SLC39A11: variants seen among roughly 807,000 people sequenced by gnomAD.
The protein encoded by SLC39A11 is zinc transporter ZIP11.
Under a neutral mutation model 36.1 loss-of-function variants are expected in SLC39A11, and 33 were observed. The observed-to-expected ratio is 0.91, with a 90% CI of 0.69 to 1.22. The LOEUF is 1.22. Ranked by LOEUF, SLC39A11 falls within the 50% of genes most tolerant of loss-of-function variation. SLC39A11 has a pLI of 0.00. For missense variants in SLC39A11, 432 were observed against 430.3 expected (o/e 1.00, Z -0.03); for synonymous variants, 166 against 170.3 (o/e 0.97, Z 0.20).
chr17:72,856,018 A>G (rs1173422321), intron 5 of SLC39A11, among the ~76,000 whole-genome samples: 1 of 152,102 alleles, frequency 6.6e-6, no homozygotes, highest in Non-Finnish European at 1.5e-5. Context: ...TATGATGGGA[A>G]CTTTTGGCTA....
rs141282563 is a variant in SLC39A11 at position 72,794,561 on chromosome 17, G to T, written c.601+55073C>A. ...TGCCTATATCCCCAGCTGTGTCCAA[G>T]CCACTCCCTGCTCCCTCCTTCTCTA... On this transcript the variant is annotated intron_variant, in intron 6 of 9. Transcript: ENST00000255559. Among the ~76,000 whole-genome samples, 12 of 151,946 alleles carry T rather than the reference G, an allele frequency of 7.9e-5. No homozygotes were observed. In the East Asian group the frequency reaches 2.3e-3, roughly 29 times the overall value.
intron 6 of SLC39A11, among the ~76,000 whole-genome samples, chr17:72,762,210 G>A (rs903160969): frequency 6.6e-6 from 1 of 152,178 alleles, no homozygotes; most frequent in Non-Finnish European, 1.5e-5. Context: ...TAGGAGGTTG[G>A]CACAAGTTAC....
intron 4 of SLC39A11, among the ~76,000 whole-genome samples, chr17:72,953,056 C>A (rs1568012094): frequency 6.6e-6 from 1 of 152,182 alleles, no homozygotes; most frequent in African/African-American, 2.4e-5. Context: ...CTTTCCCTGT[C>A]CTTCTTCCCG....
intron 7 of SLC39A11, among the ~76,000 whole-genome samples, chr17:72,673,035 T>C (rs2071088597): frequency 6.6e-6 from 1 of 152,214 alleles, no homozygotes; most frequent in South Asian, 2.1e-4. Flanking sequence ...AAGCTGAAGA[T>C]ACCCGGCCCT....
chr17:72,936,411 T>TAAAAAAAAA (rs746428868), intron 5 of SLC39A11, among the ~76,000 whole-genome samples: 10 of 73,460 alleles, frequency 1.4e-4, no homozygotes, highest in East Asian at 4.7e-4. Flanking sequence ...TGAAAAAAAG[T>TAAAAAAAAA]AAAAAAAAAA....
intron 3 of SLC39A11, among the ~76,000 whole-genome samples, chr17:73,056,075 G>A (rs12949648): frequency 0.83 from 126,581 of 152,104 alleles, 52,977 homozygotes; most frequent in East Asian, 0.94. Flanking sequence ...CCCCTGGAGG[G>A]CACAGGAGAG....
chr17:72,679,261 T>C (rs570412630), intron 7 of SLC39A11, among the ~76,000 whole-genome samples: 3 of 152,284 alleles, frequency 2.0e-5, no homozygotes, highest in African/African-American at 7.2e-5. Context: ...TCAAAATAGG[T>C]AGAAGAGAAG....
intron 5 of SLC39A11, among the ~76,000 whole-genome samples, chr17:72,934,721 A>G (rs2084638447): frequency 6.6e-6 from 1 of 152,250 alleles, no homozygotes; most frequent in African/African-American, 2.4e-5. Flanking sequence ...TTAAAAAACA[A>G]GCAAAAGATT....
At chr17:72,960,524 G>A (rs982890577) in intron 4 of SLC39A11, among the ~76,000 whole-genome samples, 1 of 152,158 alleles carries the variant, frequency 6.6e-6, no homozygotes, top group Non-Finnish European at 1.5e-5. Flanking sequence ...GGATGTGGTG[G>A]TTCACGCCTG....
At chr17:72,972,484 G>A (rs2087530558) in intron 4 of SLC39A11, among the ~76,000 whole-genome samples, 1 of 152,208 alleles carries the variant, frequency 6.6e-6, no homozygotes, top group South Asian at 2.1e-4. Context: ...GAGGCTGTCT[G>A]CTTATGAGGC....
At chr17:72,716,239 C>G (rs1487750711) in intron 7 of SLC39A11, among the ~76,000 whole-genome samples, 3 of 152,112 alleles carry the variant, frequency 2.0e-5, no homozygotes, top group Non-Finnish European at 4.4e-5. Flanking sequence ...GAATGAAAAC[C>G]TGACGACCTA....
At position 72,999,679 on chromosome 17, in the gene SLC39A11, C is replaced by CA. The variant is rs535455622; in HGVS notation, c.306+31876dup. ...CAGGTCCATTTCCTGCTGTGGTGAACACTGACTGCCTAGGGCTGCAGATGG... is the reference window on the plus strand; with the variant it reads ...CAGGTCCATTTCCTGCTGTGGTGAACAACTGACTGCCTAGGGCTGCAGATGG... On this transcript the variant is annotated intron_variant, in intron 4 of 9. Transcript: ENST00000255559. Among the ~76,000 whole-genome samples, 199 of 152,324 alleles carry CA rather than the reference C, an allele frequency of 1.3e-3. No homozygotes were observed. The South Asian group carries it at 0.019, about 14-fold the overall frequency.
At chr17:72,950,247 A>C (rs1272036025) in intron 4 of SLC39A11, among the ~76,000 whole-genome samples, 2 of 152,218 alleles carry the variant, frequency 1.3e-5, no homozygotes, top group Admixed American at 1.3e-4. Flanking sequence ...AACACACACA[A>C]AAAAGCCTCC....
chr17:72,935,488 A>G (rs1436698467), intron 5 of SLC39A11, among the ~76,000 whole-genome samples: 1 of 152,192 alleles, frequency 6.6e-6, no homozygotes, highest in Non-Finnish European at 1.5e-5. Context: ...GCATTTCTTA[A>G]AAACTCGTGG....
intron 5 of SLC39A11, among the ~76,000 whole-genome samples, chr17:72,916,685 T>C (rs1036713312): frequency 1.3e-5 from 2 of 152,134 alleles, no homozygotes; most frequent in African/African-American, 4.8e-5. Flanking sequence ...GTTCGAGAGA[T>C]ACATCCCAGC....
chr17:72,962,375 T>C (rs2086670393), intron 4 of SLC39A11, among the ~76,000 whole-genome samples: 1 of 152,180 alleles, frequency 6.6e-6, no homozygotes, highest in Admixed American at 6.5e-5. Flanking sequence ...GCTGGGGCTT[T>C]GATCTCCTCT....
chr17:73,031,403 C>T (rs940917593), intron 4 of SLC39A11, among the ~76,000 whole-genome samples, 153 bp downstream of exon 4: 2 of 152,174 alleles, frequency 1.3e-5, no homozygotes, highest in African/African-American at 4.8e-5. Context: ...AAGAAATCAC[C>T]GATCAGTTCC....
At chr17:72,822,323 T>TAG (rs1439881802) in intron 6 of SLC39A11, among the ~76,000 whole-genome samples, 1 of 146,836 alleles carries the variant, frequency 6.8e-6, no homozygotes, top group Non-Finnish European at 1.5e-5. Flanking sequence ...ATAATATATA[T>TAG]ATAGAGAGAG....
At chr17:72,771,675 G>A (rs958604744) in intron 6 of SLC39A11, among the ~76,000 whole-genome samples, 1 of 152,230 alleles carries the variant, frequency 6.6e-6, no homozygotes, top group Non-Finnish European at 1.5e-5. Flanking sequence ...AGACTGTGCG[G>A]TAATGTGCTC....
Sources: gnomAD v4.1 joint callset for allele counts (sites outside exome capture counted in the v4.1 genomes callset) on GRCh38, gnomAD v4.1.1 for gene constraint, MANE v1.5 for transcripts, NCBI Gene and HGNC (gene_info 2026-07-23, HGNC 2026-07-21) for gene names.